ANKRD26: variants seen among roughly 807,000 people sequenced by gnomAD.
The protein encoded by ANKRD26 is ankyrin repeat domain 26.
A neutral mutation model predicts 208.7 loss-of-function variants in ANKRD26; 141 were observed. The observed-to-expected ratio is 0.68, with a 90% confidence interval of 0.59 to 0.78. The LOEUF (loss-of-function observed/expected upper bound fraction) is 0.78. Ranked by LOEUF, ANKRD26 falls within the 30% of genes least tolerant of loss-of-function variation. The pLI is 0.00. For synonymous variants in ANKRD26, 636 were observed against 660.4 expected (o/e 0.96, Z 0.57); for missense variants, 1,889 against 1,938.7 (o/e 0.97, Z 0.48).
chr10:27,024,293 T>C (rs1004337742), intron 28 of ANKRD26, among the ~76,000 whole-genome samples, 154 bp downstream of exon 28: 6 of 152,190 alleles, frequency 3.9e-5, no homozygotes, highest in Non-Finnish European at 7.4e-5. Context: ...AAGTTTCAGA[T>C]TGTGCTGCAA....
chr10:27,099,933 TG>T, intron 1 of ANKRD26, 151 bp downstream of exon 1: 2 of 1,245,324 alleles, frequency 1.6e-6, no homozygotes, highest in African/African-American at 1.5e-5. Flanking sequence ...AAAGGCGGCC[TG>T]GGCGCTGGAG....
chr10:26,960,414 T>C, the ANKRD26 span, among the ~76,000 whole-genome samples: 1 of 152,190 alleles, frequency 6.6e-6, no homozygotes, highest in African/African-American at 2.4e-5. Context: ...CCAGGTGTTC[T>C]GTGAAGGCAC....
chr10:26,951,013 C>CTTTTCTTTTTTTTTTTTTTTTTTTTTTT, the ANKRD26 span, among the ~76,000 whole-genome samples: 71 of 100,902 alleles, frequency 7.0e-4, 5 homozygotes, highest in East Asian at 7.1e-3. Context: ...CTTTTCTTTT[C>CTTTTCTTTTTTTTTTTTTTTTTTTTTTT]TTTTTCTTTT....
chr10:27,082,028 G>A (rs565794996), intron 6 of ANKRD26, among the ~76,000 whole-genome samples: 10 of 135,514 alleles, frequency 7.4e-5, no homozygotes, highest in East Asian at 2.4e-4. Flanking sequence ...GAGCCACCAC[G>A]CCCAGCCCTA....
In ANKRD26 at chr10:27,023,233, T is replaced by TC. The variant is rs1564363229; in HGVS notation, c.4086-547_4086-546insG. ...AATCCCAGCTATTCAGGAGGCTGAGTTGGGAGGCGGAGCCAGGAGAATGGC... is the reference window on the plus strand; with the variant it reads ...AATCCCAGCTATTCAGGAGGCTGAGTCTGGGAGGCGGAGCCAGGAGAATGGC... On this transcript the variant is annotated intron_variant, in intron 28 of 33. Coordinates refer to ENST00000376087, the MANE Select transcript of ANKRD26 (RefSeq NM_014915.3). 4.6e-5 allele frequency among the ~76,000 whole-genome samples: 7 copies of TC among 151,396 alleles called. No homozygotes were observed. The South Asian group carries it at 1.5e-3, about 32-fold the overall frequency.
At chr10:27,024,335 TC>T (rs2135057870) in intron 28 of ANKRD26, 111 bp downstream of exon 28, 1 of 635,266 alleles carries the variant, frequency 1.6e-6, no homozygotes, top group East Asian at 2.9e-5. Flanking sequence ...GAGAATAATT[TC>T]ATTAAGAAAA....
At chr10:26,969,345 A>G (rs2052111663), downstream of ANKRD26, among the ~76,000 whole-genome samples, 1 of 152,242 alleles carries the variant, frequency 6.6e-6, no homozygotes, top group Non-Finnish European at 1.5e-5. Context: ...ACGGTTTTAG[A>G]AAGAGAAATG....
chr10:27,039,730 T>C (rs912834493), intron 21 of ANKRD26, among the ~76,000 whole-genome samples: 4 of 152,164 alleles, frequency 2.6e-5, no homozygotes, highest in African/African-American at 7.2e-5. Context: ...TATTAAATAA[T>C]GAGTCTTCCA....
intron 9 of ANKRD26, among the ~76,000 whole-genome samples, chr10:27,070,687 A>G (rs2055451074): frequency 6.7e-6 from 1 of 149,932 alleles, no homozygotes; most frequent in Non-Finnish European, 1.5e-5. Flanking sequence ...TTTTTTTGAG[A>G]TGGAGTCTCG....
intron 6 of ANKRD26, chr10:27,080,937 G>A: frequency 1.0e-6 from 1 of 985,384 alleles, no homozygotes; most frequent in Non-Finnish European, 1.2e-6. Context: ...ATTGGGAAAG[G>A]AGGCAGAGGT....
At chr10:26,951,974 C>T in the ANKRD26 span, among the ~76,000 whole-genome samples, 2 of 151,320 alleles carry the variant, frequency 1.3e-5, no homozygotes, top group Non-Finnish European at 2.9e-5. Context: ...CTCTTCATCA[C>T]TCTTTATTCT....
exon 6 of ANKRD26, among the ~76,000 whole-genome samples, chr10:26,975,125 A>T (rs893551149): frequency 6.6e-6 from 1 of 152,196 alleles, no homozygotes; most frequent in Non-Finnish European, 1.5e-5. Flanking sequence ...GTGTATGTTA[A>T]ATTAGGGGAA....
chr10:27,097,048 G>T (rs2056489704), intron 1 of ANKRD26, among the ~76,000 whole-genome samples: 1 of 151,990 alleles, frequency 6.6e-6, no homozygotes, highest in Non-Finnish European at 1.5e-5. Flanking sequence ...CAGGCATGGT[G>T]GCACGTGCCT....
At chr10:27,018,058 T>C (rs1025173815) in intron 29 of ANKRD26, among the ~76,000 whole-genome samples, 19 of 152,258 alleles carry the variant, frequency 1.2e-4, no homozygotes, top group African/African-American at 4.1e-4. Context: ...TATTTTTCTA[T>C]GATTGTTTCA....
the ANKRD26 span, among the ~76,000 whole-genome samples, chr10:26,960,972 C>T: frequency 6.6e-6 from 1 of 151,928 alleles, no homozygotes; most frequent in Non-Finnish European, 1.5e-5. Context: ...TAATCCCAGC[C>T]CTTTGGGAGG....
At chr10:27,075,079 T>C (rs887716090) in intron 9 of ANKRD26, among the ~76,000 whole-genome samples, 38 of 152,150 alleles carry the variant, frequency 2.5e-4, no homozygotes, top group African/African-American at 8.9e-4. Flanking sequence ...ACAAGAAATA[T>C]TTATAAAAGT....
chr10:26,998,433 G>T (rs2052644334), intron 4 of ANKRD26, among the ~76,000 whole-genome samples: 1 of 152,182 alleles, frequency 6.6e-6, no homozygotes, highest in African/African-American at 2.4e-5. Flanking sequence ...TCATTCTATT[G>T]GGCCTTTGAG....
intron 6 of ANKRD26, chr10:27,080,515 G>A: frequency 1.1e-5 from 6 of 525,786 alleles, no homozygotes; most frequent in Non-Finnish European, 1.5e-5. Flanking sequence ...CCTTAAACTA[G>A]CAAGCCCTTA....
intron 4 of ANKRD26, among the ~76,000 whole-genome samples, chr10:26,982,596 T>TA (rs1458463218): frequency 2.7e-5 from 4 of 150,208 alleles, no homozygotes; most frequent in African/African-American, 9.8e-5. Flanking sequence ...TCATGGAGAT[T>TA]TAAAAAAAAA....
Sources: allele counts gnomAD v4.1 joint callset (sites outside exome capture counted in the v4.1 genomes callset), GRCh38; gene constraint gnomAD v4.1.1; transcripts MANE v1.5; gene names NCBI Gene and HGNC (gene_info 2026-07-23, HGNC 2026-07-21).